AHNAK2: variants seen among roughly 807,000 people sequenced by gnomAD.
The protein encoded by AHNAK2 is protein AHNAK2.
A neutral mutation model predicts 30.7 loss-of-function variants in AHNAK2; 18 were observed. The ratio of observed to expected loss-of-function variants is 0.59; its 90% CI spans 0.41 to 0.87. The LOEUF (loss-of-function observed/expected upper bound fraction) is 0.87. AHNAK2 is among the 40% of genes least tolerant of loss of function. AHNAK2 has a pLI of 0.00. For missense variants in AHNAK2, 8,604 were observed against 7,373.0 expected (o/e 1.17, Z -6.11); for synonymous variants, 3,590 against 3,073.8 (o/e 1.17, Z -5.56).
At chr14:104,964,110 C>G (rs1899232746) in intron 1 of AHNAK2, among the ~76,000 whole-genome samples, 1 of 152,162 alleles carries the variant, frequency 6.6e-6, no homozygotes, top group Non-Finnish European at 1.5e-5. Flanking sequence ...GCAAAGGCCT[C>G]CAACCCAGAA....
rs750085010 is a variant in AHNAK2 at position 104,953,247 on chromosome 14, TGGACCTC to T, written c.2197_2203del (p.Glu733ArgfsTer7). The T allele has an allele frequency of 1.9e-6, 3 of 1,613,186 alleles. No individual in the cohort carries two copies. The South Asian group carries it at 3.3e-5, about 18-fold the overall frequency. On this transcript the variant is annotated frameshift_variant, in exon 7 of 7. Coordinates refer to ENST00000333244, the MANE Select transcript of AHNAK2 (RefSeq NM_138420.4). LOFTEE classifies it low-confidence loss of function (END_TRUNC). The stretch of plus-strand genomic sequence containing the variant: ...AAGTTTCACATCCACTTGGCCATCC[TGGACCTC>T]CAGGTCAGCGGAAGGGGTCTGGACG...
At chr14:104,957,320 G>A in intron 3 of AHNAK2, 90 bp downstream of exon 3, 1 of 1,245,404 alleles carries the variant, frequency 8.0e-7, no homozygotes, top group Non-Finnish European at 1.1e-6. Flanking sequence ...GGGCAGGGCA[G>A]CAAGGTTGAA....
chr14:104,943,566 G>T lies in AHNAK2; in HGVS notation c.11885C>A (p.Thr3962Lys), dbSNP rs115776887. 1.2e-6 allele frequency: 2 copies of T among 1,612,812 alleles called. No homozygotes were observed. Among genetic ancestry groups the T allele is most frequent in the Non-Finnish European group, 1.7e-6 (2 of 1,179,524 alleles). ...GDLSLADKDM[T>K]AKDSKFKMPK... ...CATTTTGAACTTGCTGTCTTTGGCC[G>T]TCATGTCCTTGTCGGCCAGGGACAG... Residue 3962 changes from threonine (T) to lysine (K), a missense_variant, in exon 7 of 7, where the codon ACG becomes AAG. Thr to Lys is a moderately conservative substitution (Grantham distance 78). Coordinates refer to ENST00000333244, the MANE Select transcript of AHNAK2 (RefSeq NM_138420.4).
Position 104,943,492 on chromosome 14 carries a change from T to G in AHNAK2, c.11959A>C (p.Met3987Leu), listed in dbSNP as rs372505085. ...SFGVSAPGKSMEASVDVTAPK... is the reference protein window; with the variant it reads ...SFGVSAPGKSLEASVDVTAPK... ...GCGGTCACATCCACTGATGCCTCCA[T>G]GGACTTGCCTGGGGCAGACACCCCG... The change falls in exon 7 of 7, where the codon ATG becomes CTG. Residue 3987 changes from methionine (M) to leucine (L), a missense_variant. By Grantham distance (15) the Met-to-Leu change is conservative (BLOSUM62 2). Transcript: ENST00000333244. The G allele has an allele frequency of 1.2e-6, 2 of 1,612,892 alleles. No homozygotes were observed. Among genetic ancestry groups the G allele is most frequent in the Non-Finnish European group, 1.7e-6 (2 of 1,179,584 alleles).
rs1898554789 is a variant in AHNAK2, at chr14:104,949,753, C to T, written c.5698G>A (p.Ala1900Thr). 3 of 1,587,806 alleles carry T rather than the reference C, an allele frequency of 1.9e-6. No homozygotes were observed. The South Asian group carries it at 3.3e-5, about 18-fold the overall frequency. Residue 1900 changes from alanine to threonine, a missense_variant, in exon 7 of 7, where the codon GCC becomes ACC. Physicochemically the swap from Ala to Thr is moderately conservative, Grantham distance 58 (BLOSUM62 0). Transcript: ENST00000333244. Reference protein sequence around the residue: ...KLPEGQVPEGAGLKGHLPKVD... With the variant: ...KLPEGQVPEGTGLKGHLPKVD... ...TTGGGCAAGTGCCCTTTGAGGCCGG[C>T]TCCCTCGGGCACCTGGCCCTCCGGG... is the stretch of plus-strand genomic sequence containing the variant.
chr14:104,945,703 C>T lies in AHNAK2; in HGVS notation c.9748G>A (p.Gly3250Ser). ...DRKGPQIDIK[G>S]PKLDLKGPKM... is the part of the protein sequence containing the mutation. ...GGGCCTTTCAGGTCCAGCTTGGGGC[C>T]CTTGATGTCTATCTGGGGGCCCTTG... The change falls in exon 7 of 7, where the codon GGC becomes AGC. Residue 3250 changes from glycine (G) to serine (S), a missense_variant. Coordinates refer to ENST00000333244, the MANE Select transcript of AHNAK2 (RefSeq NM_138420.4). The T allele has an allele frequency of 6.2e-7, 1 of 1,600,986 alleles. No homozygotes were observed. The highest frequency in any genetic ancestry group is 8.5e-7 in the Non-Finnish European group (1 of 1,172,378).
In AHNAK2 at chr14:104,947,349, G is replaced by A. The variant is rs377249696; in HGVS notation, c.8102C>T (p.Pro2701Leu). The change falls in exon 7 of 7, where the codon CCC (proline) becomes CTC (leucine). Residue 2701 changes from proline (P) to leucine (L), a missense_variant. Coordinates refer to ENST00000333244, the MANE Select transcript of AHNAK2 (RefSeq NM_138420.4). Reference protein sequence around the residue: ...LKTTDISIQPPSAQLEVQAGQ... With the variant: ...LKTTDISIQPLSAQLEVQAGQ... Reference sequence around the variant, plus strand: ...AGCCTGGACCTCCAGTTGGGCAGAGGGGGGCTGAATGCTGATGTCAGTGGT... The same window carrying A: ...AGCCTGGACCTCCAGTTGGGCAGAGAGGGGCTGAATGCTGATGTCAGTGGT... The A allele has an allele frequency of 1.9e-6, 3 of 1,612,402 alleles. No individual in the cohort carries two copies. The highest frequency in any genetic ancestry group is 1.7e-5 in the Admixed American group (1 of 59,896).
chr14:104,942,507 T>C lies in AHNAK2; in HGVS notation c.12944A>G (p.Lys4315Arg), dbSNP rs183678029. 621 of 1,612,966 alleles carry C rather than the reference T, an allele frequency of 3.9e-4. 4 individuals are homozygous for C. In the African/African-American group the frequency reaches 6.6e-3, roughly 17 times the overall value. ...MPSFGVSAPGKSIEASLDVSA... is the reference protein window; with the variant it reads ...MPSFGVSAPGRSIEASLDVSA... The stretch of plus-strand genomic sequence containing the variant: ...CACATCCAACGAGGCCTCGATGGAC[T>C]TGCCTGGGGCAGACACCCCGAACGA... Residue 4315 changes from lysine (K) to arginine (R), a missense_variant, in exon 7 of 7, where the codon AAG (lysine) becomes AGG (arginine). Lys to Arg is a conservative substitution (Grantham distance 26). Transcript: ENST00000333244.
rs758408767 is a variant in AHNAK2, at chr14:104,953,998, G to T, written c.1453C>A (p.Arg485=). The change falls in exon 7 of 7, where the codon CGA becomes AGA. Residue 485 remains arginine (R), a synonymous_variant. Coordinates refer to ENST00000333244, the MANE Select transcript of AHNAK2 (RefSeq NM_138420.4). ...TTTGGTGTCTTTAAATCGTGTACTC[G>T]CACCCTAATTTCTGGTGGGCCAATC... ...TQIGPPEIRV[R]VHDLKTPKFA... is the part of the protein sequence containing the mutation. The T allele has an allele frequency of 1.2e-6, 2 of 1,613,540 alleles. No homozygotes were observed. The highest frequency in any genetic ancestry group is 2.2e-5 in the East Asian group (1 of 44,892).
At chr14:104,965,401 C>CAAAAA (rs397853385) in intron 1 of AHNAK2, among the ~76,000 whole-genome samples, 284 of 85,100 alleles carry the variant, frequency 3.3e-3, no homozygotes, top group African/African-American at 6.4e-3. Flanking sequence ...AACTCTGTCT[C>CAAAAA]AAAAAAAAAA....
At chr14:104,967,193 C>T (rs891875165) in intron 1 of AHNAK2, among the ~76,000 whole-genome samples, 8 of 152,200 alleles carry the variant, frequency 5.3e-5, no homozygotes, top group South Asian at 2.1e-4. Context: ...GCCGCCTCCC[C>T]GTCCCTCCGC....
At position 104,948,669 on chromosome 14, in the gene AHNAK2, G is replaced by A. The variant is rs769129836; in HGVS notation, c.6782C>T (p.Pro2261Leu). ...CTTGGGGTCTTTTAGGTCCAGCTTG[G>A]GGCCCTTGATGTCTATTTCGGGGCC... is the stretch of plus-strand genomic sequence containing the variant. ...LKGPEIDIKGPKLDLKDPKVE... is the reference protein window; with the variant it reads ...LKGPEIDIKGLKLDLKDPKVE... The change falls in exon 7 of 7, where the codon CCC becomes CTC. Residue 2261 changes from proline to leucine, a missense_variant. Pro to Leu is a moderately conservative substitution (Grantham distance 98). Transcript: ENST00000333244. 6.2e-6 allele frequency: 10 copies of A among 1,611,602 alleles called. 1 individual carries two copies. In the African/African-American group the frequency reaches 1.2e-4, roughly 20 times the overall value.
Position 104,954,314 on chromosome 14 carries a change from C to G in AHNAK2, c.1137G>C (p.Glu379Asp), listed in dbSNP as rs1471530986. The G allele has an allele frequency of 1.9e-5, 30 of 1,613,670 alleles. No homozygotes were observed. Among genetic ancestry groups the G allele is most frequent in the Non-Finnish European group, 2.5e-5 (29 of 1,179,884 alleles). ...TCACTTCTCGATCCTGTTCTGCCCT[C>G]TCCTCTCTCCTGCTGCCTGTGGCAG... ...TGAATGSRRE[E>D]RAEQDREVMP... Residue 379 changes from glutamate (E) to aspartate (D), a missense_variant, in exon 7 of 7, where the codon GAG becomes GAC. Coordinates refer to ENST00000333244, the MANE Select transcript of AHNAK2 (RefSeq NM_138420.4). This position sits in a 1 kb window ranked among gnomAD's most constrained non-coding sequence, Gnocchi z 4.3.
At chr14:104,955,940 C>T (rs1334109191) in intron 4 of AHNAK2, among the ~76,000 whole-genome samples, 1 of 151,728 alleles carries the variant, frequency 6.6e-6, no homozygotes, top group Admixed American at 6.6e-5. Flanking sequence ...TCTGCTTTCC[C>T]TGTGGCCAGT....
At position 104,941,947 on chromosome 14, in the gene AHNAK2, T is replaced by C. The variant is rs780970717; in HGVS notation, c.13504A>G (p.Met4502Val). The C allele has an allele frequency of 1.2e-6, 2 of 1,613,448 alleles. No homozygotes were observed. The highest frequency in any genetic ancestry group is 2.2e-5 in the South Asian group (2 of 91,050). The change falls in exon 7 of 7, where the codon ATG (methionine) becomes GTG (valine). Residue 4502 changes from methionine (M) to valine (V), a missense_variant. Coordinates refer to ENST00000333244, the MANE Select transcript of AHNAK2 (RefSeq NM_138420.4). ...KMEADMSIPS[M>V]QGDLKTTDLR... ...TCAGTGGTCTTGAGGTCCCCCTGCA[T>C]GGAGGGAATGCTCATGTCGGCCTCC...
In AHNAK2 at chr14:104,948,203, G is replaced by C. The variant is rs756285959; in HGVS notation, c.7248C>G (p.Leu2416=). ...MPSFKMPKVD[L]KGPQIDVKGP... ...CCTTGACATCTATCTGGGGGCCCTT[G>C]AGATCTACTTTGGGCATCTTGAAAC... The change falls in exon 7 of 7, where the codon CTC becomes CTG. Residue 2416 remains leucine (L), a synonymous_variant. Coordinates refer to ENST00000333244, the MANE Select transcript of AHNAK2 (RefSeq NM_138420.4). 2 of 1,612,658 alleles carry C rather than the reference G, an allele frequency of 1.2e-6. No individual in the cohort carries two copies. The highest frequency in any genetic ancestry group is 1.7e-6 in the Non-Finnish European group (2 of 1,179,574).
Position 104,946,241 on chromosome 14 carries a change from C to A in AHNAK2, c.9210G>T (p.Lys3070Asn). The A allele has an allele frequency of 6.2e-7, 1 of 1,608,120 alleles. No individual in the cohort carries two copies. The highest frequency in any genetic ancestry group is 8.5e-7 in the Non-Finnish European group (1 of 1,177,572). ...GTCCCTTGCGATCTACTTTGGGCAT[C>A]TTGAAACTGGGCATCTGCAACTTGG... is the stretch of plus-strand genomic sequence containing the variant. ...HLPKLQMPSF[K>N]MPKVDRKGPQ... Residue 3070 changes from lysine (K) to asparagine (N), a missense_variant, in exon 7 of 7, where the codon AAG becomes AAT. Physicochemically the swap from Lys to Asn is moderately conservative, Grantham distance 94. Transcript: ENST00000333244.
Position 104,949,925 on chromosome 14 carries a change from G to A in AHNAK2, c.5526C>T (p.Ile1842=), listed in dbSNP as rs200417966. 387 of 1,588,608 alleles carry A rather than the reference G, an allele frequency of 2.4e-4. 21 individuals carry two copies. Among genetic ancestry groups the A allele is most frequent in the African/African-American group, 1.1e-3 (79 of 72,498 alleles). The change falls in exon 7 of 7, where the codon ATC becomes ATT. Residue 1842 remains isoleucine (I), a synonymous_variant. Transcript: ENST00000333244. ...SFGVSAPGKS[I]EASVDVSAPK... ...GCGCAGACACATCCACCGAGGCCTC[G>A]ATGGACTTGCCTGGGGCAGACACCC...
chr14:104,940,044 C>G lies in AHNAK2; in HGVS notation c.15407G>C (p.Cys5136Ser), dbSNP rs1312487524. 1.9e-6 allele frequency: 3 copies of G among 1,611,396 alleles called. No individual in the cohort carries two copies. Among genetic ancestry groups the G allele is most frequent in the Non-Finnish European group, 2.5e-6 (3 of 1,178,396 alleles). ...GCTCACTGGGACATCCCCGAGCCCACATCCTCTGCTGTCACCTTCGGTAGA... is the reference window on the plus strand; with the variant it reads ...GCTCACTGGGACATCCCCGAGCCCAGATCCTCTGCTGTCACCTTCGGTAGA... ...DLSTEGDSRG[C>S]GLGDVPVSQP... The change falls in exon 7 of 7, where the codon TGT becomes TCT. Residue 5136 changes from cysteine to serine, a missense_variant. Cys to Ser is a moderately radical substitution (Grantham distance 112, BLOSUM62 -1). Transcript: ENST00000333244. This position sits in a 1 kb window ranked among gnomAD's most constrained non-coding sequence, Gnocchi z 4.4.
Sources: gnomAD v4.1 joint callset for allele counts (sites outside exome capture counted in the v4.1 genomes callset) on GRCh38, gnomAD v4.1.1 for gene constraint, Gnocchi (gnomAD v3.1) non-coding constraint, MANE v1.5 for transcripts, NCBI Gene and HGNC (gene_info 2026-07-23, HGNC 2026-07-21) for gene names.